The following FBXO42 variants were observed in gnomAD, a reference collection of about 807,000 sequenced individuals.
The protein encoded by FBXO42 is F-box only protein 42.
Under a neutral mutation model 71.7 loss-of-function variants are expected in FBXO42, and 12 were observed. The ratio of observed to expected loss-of-function variants is 0.17; its 90% CI spans 0.11 to 0.27. The LOEUF is 0.27. Ranked by LOEUF, FBXO42 falls within the 10% of genes least tolerant of loss-of-function variation. FBXO42 has a pLI of 1.00. For synonymous variants in FBXO42, 325 were observed against 327.5 expected (o/e 0.99, Z 0.08); for missense variants, 707 against 911.9 (o/e 0.78, Z 2.89).
intron 2 of FBXO42, 83 bp downstream of exon 2, chr1:16,315,086 A>AG: frequency 2.1e-6 from 3 of 1,441,674 alleles, no homozygotes; most frequent in South Asian, 1.4e-5. Flanking sequence ...CATTTAAGGG[A>AG]GGAAAAAAAC....
At chr1:16,335,200 G>A (rs1330428703) in intron 1 of FBXO42, among the ~76,000 whole-genome samples, 1 of 152,114 alleles carries the variant, frequency 6.6e-6, no homozygotes, top group Non-Finnish European at 1.5e-5. Flanking sequence ...GTCTGAGGTG[G>A]GAGGACTGTT....
At chr1:16,283,494 GTTTTTTTTTT>G (rs386366300) in intron 4 of FBXO42, among the ~76,000 whole-genome samples, 1 of 80,972 alleles carries the variant, frequency 1.2e-5, no homozygotes, top group Admixed American at 1.5e-4. Flanking sequence ...ACTGTGGCAA[GTTTTTTTTTT>G]TTTTTTTTTT....
At chr1:16,261,610 C>T (rs1357481419) in intron 4 of FBXO42, among the ~76,000 whole-genome samples, 2 of 152,006 alleles carry the variant, frequency 1.3e-5, no homozygotes, top group Non-Finnish European at 2.9e-5. Flanking sequence ...TGGAAAAAAA[C>T]TTACCATACA....
intron 1 of FBXO42, among the ~76,000 whole-genome samples, chr1:16,331,243 C>A (rs963908012): frequency 7.0e-6 from 1 of 143,406 alleles, no homozygotes; most frequent in East Asian, 2.2e-4. Context: ...GAAACCCCGT[C>A]TCTACTAAAA....
At chr1:16,320,011 G>C (rs2100586598) in intron 1 of FBXO42, among the ~76,000 whole-genome samples, 1 of 152,030 alleles carries the variant, frequency 6.6e-6, no homozygotes, top group South Asian at 2.1e-4. Context: ...TGACTCGCTA[G>C]AGGGAGGCCT....
intron 1 of FBXO42, among the ~76,000 whole-genome samples, chr1:16,344,531 T>TC (rs1332570763): frequency 1.4e-5 from 2 of 144,638 alleles, no homozygotes; most frequent in African/African-American, 2.6e-5. Context: ...AGACGGGGTT[T>TC]CCCCATGTTG....
chr1:16,340,661 G>T (rs1298602137), intron 1 of FBXO42, among the ~76,000 whole-genome samples: 1 of 152,074 alleles, frequency 6.6e-6, no homozygotes. Flanking sequence ...CCAAGGTTAA[G>T]TTACTTCTAA....
intron 4 of FBXO42, among the ~76,000 whole-genome samples, chr1:16,264,202 A>G (rs1281740034): frequency 1.3e-5 from 2 of 152,230 alleles, no homozygotes; most frequent in East Asian, 3.8e-4. Flanking sequence ...CATTCCAAAC[A>G]GCAGCTACAG....
At chr1:16,339,818 G>A (rs573467170) in intron 1 of FBXO42, among the ~76,000 whole-genome samples, 11 of 152,240 alleles carry the variant, frequency 7.2e-5, no homozygotes, top group East Asian at 1.9e-4. Context: ...GGCCAAGCAC[G>A]GTGGCTCACA....
At chr1:16,262,568 G>A (rs543950009) in intron 4 of FBXO42, among the ~76,000 whole-genome samples, 9 of 152,222 alleles carry the variant, frequency 5.9e-5, no homozygotes, top group African/African-American at 2.2e-4. Flanking sequence ...TTAGCCAGGT[G>A]TGGTGGCATG....
intron 2 of FBXO42, among the ~76,000 whole-genome samples, chr1:16,307,259 G>GA (rs2082261141): frequency 6.6e-6 from 1 of 152,108 alleles, no homozygotes; most frequent in Non-Finnish European, 1.5e-5. Context: ...AGTGCTTTAG[G>GA]AAGCCAAAGC....
At chr1:16,347,092 C>G (rs1415753135) in intron 1 of FBXO42, among the ~76,000 whole-genome samples, 2 of 152,008 alleles carry the variant, frequency 1.3e-5, no homozygotes, top group East Asian at 3.9e-4. Context: ...TATATAATAA[C>G]TATACATTTA....
At chr1:16,310,087 C>T (rs899407163) in intron 2 of FBXO42, among the ~76,000 whole-genome samples, 6 of 150,350 alleles carry the variant, frequency 4.0e-5, no homozygotes, top group East Asian at 3.9e-4. Flanking sequence ...CCCAGCTACT[C>T]GGGAGGCTGA....
chr1:16,304,651 C>G (rs755708006), intron 3 of FBXO42, among the ~76,000 whole-genome samples: 1 of 152,090 alleles, frequency 6.6e-6, no homozygotes, highest in Non-Finnish European at 1.5e-5. Flanking sequence ...ACCTTGACCA[C>G]TCTGGAGTAG....
chr1:16,264,784 C>T (rs547145426), intron 4 of FBXO42, among the ~76,000 whole-genome samples: 10 of 152,338 alleles, frequency 6.6e-5, no homozygotes, highest in South Asian at 2.1e-4. Flanking sequence ...CCCTATACAA[C>T]AGAACTAACA....
At chr1:16,308,521 A>C in intron 2 of FBXO42, among the ~76,000 whole-genome samples, 1 of 135,964 alleles carries the variant, frequency 7.4e-6, no homozygotes, top group Non-Finnish European at 1.6e-5. Flanking sequence ...TTTCCTTTAG[A>C]CTGAGTCTCA....
rs1224124867 is a variant in FBXO42 at position 16,352,468 on chromosome 1, G to A, written c.-231C>T. ...GCAGCTGCTGCTGCTCAGGCCGGGA[G>A]AAGACAGCGCAGAGCGCGCATGCGC... is the stretch of plus-strand genomic sequence containing the variant. On this transcript the variant is annotated 5_prime_UTR_variant, in exon 1 of 10. Transcript: ENST00000375592. 2.0e-5 allele frequency: 8 copies of A among 397,080 alleles called. No individual in the cohort carries two copies. Among genetic ancestry groups the A allele is most frequent in the Non-Finnish European group, 3.6e-5 (8 of 225,242 alleles). The allele number at this position is 397,080 out of a possible 1,614,324, so 24.6% of individuals were successfully genotyped here.
intron 4 of FBXO42, among the ~76,000 whole-genome samples, chr1:16,279,843 GTTT>G (rs1199990516): frequency 1.5e-5 from 1 of 68,544 alleles, no homozygotes; most frequent in Non-Finnish European, 3.0e-5. Context: ...GTTGACAATG[GTTT>G]TTTTTTTCTT....
chr1:16,327,758 A>G (rs2082463474), intron 1 of FBXO42, among the ~76,000 whole-genome samples: 1 of 152,134 alleles, frequency 6.6e-6, no homozygotes, highest in South Asian at 2.1e-4. Context: ...GCTGGAGTGC[A>G]ATGGTGCAAT....
Sources: allele counts gnomAD v4.1 joint callset (sites outside exome capture counted in the v4.1 genomes callset), GRCh38; gene constraint gnomAD v4.1.1; transcripts MANE v1.5; gene names NCBI Gene and HGNC (gene_info 2026-07-23, HGNC 2026-07-21).